INPP4B: variants seen among roughly 807,000 people sequenced by gnomAD.
INPP4B encodes inositol polyphosphate-4-phosphatase type II B.
INPP4B carries 55 observed loss-of-function variants against 122.5 expected under a neutral mutation model. The ratio of observed to expected loss-of-function variants is 0.45; its 90% CI spans 0.36 to 0.56. The LOEUF is 0.56. INPP4B is among the 20% of genes least tolerant of loss of function. The pLI is 0.00. For missense variants in INPP4B, 1,000 were observed against 1,097.7 expected (o/e 0.91, Z 1.26); for synonymous variants, 403 against 388.7 (o/e 1.04, Z -0.43).
chr4:142,039,075 T>TAAGA (rs1745718844), intron 25 of INPP4B, among the ~76,000 whole-genome samples: 1 of 152,170 alleles, frequency 6.6e-6, no homozygotes, highest in Admixed American at 6.6e-5. Context: ...CTGCCAGTTG[T>TAAGA]AAGATTAGAT....
rs369043861 is a variant in INPP4B, at chr4:142,602,423, A to G, written c.-191+123416T>C. Among the ~76,000 whole-genome samples the G allele has an allele frequency of 6.6e-5, 10 of 152,342 alleles. No homozygotes were observed. In the East Asian group the frequency reaches 7.7e-4, roughly 12 times the overall value. On this transcript the variant is annotated intron_variant, in intron 2 of 25. Transcript: ENST00000262992. ...CTTTCCAAAATAATTTATGGATTCA[A>G]TGCTATTCCCACGAAACTACCATTG...
Position 142,061,885 on chromosome 4 carries a change from CATATATATATATATATATAT to C in INPP4B, c.2642+20126_2642+20145del, listed in dbSNP as rs66485353. ...ATATGTACACACACACACACACACA[CATATATATATATATATATAT>C]ATATATATATATATATATATATATA... is the stretch of plus-strand genomic sequence containing the variant. On this transcript the variant is annotated intron_variant, in intron 25 of 25. Transcript: ENST00000262992. Among the ~76,000 whole-genome samples, 179 of 139,268 alleles carry C rather than the reference CATATATATATATATATATAT, an allele frequency of 1.3e-3. 1 individual carries two copies. The highest frequency in any genetic ancestry group is 5.0e-3 in the African/African-American group (167 of 33,110). The allele number at this position is 139,268 out of a possible 152,430, so 91.4% of individuals were successfully genotyped here.
chr4:142,827,276 T>TC (rs1204699540), intron 1 of INPP4B, among the ~76,000 whole-genome samples: 1 of 152,218 alleles, frequency 6.6e-6, no homozygotes, highest in Admixed American at 6.6e-5. Flanking sequence ...TCTGTGCACT[T>TC]CAAGTGCTCG....
intron 1 of INPP4B, among the ~76,000 whole-genome samples, chr4:142,841,134 G>A (rs1015616448): frequency 6.6e-6 from 1 of 151,920 alleles, no homozygotes; most frequent in Non-Finnish European, 1.5e-5. Flanking sequence ...TGGAATATGT[G>A]GTTATCTAGC....
chr4:142,120,387 T>G (rs1796068355), intron 21 of INPP4B, among the ~76,000 whole-genome samples: 1 of 152,082 alleles, frequency 6.6e-6, no homozygotes, highest in East Asian at 1.9e-4. Flanking sequence ...GAGATTTAGA[T>G]AGCGATTGCA....
intron 2 of INPP4B, among the ~76,000 whole-genome samples, chr4:142,514,838 C>T (rs139308494): frequency 1.3e-3 from 190 of 150,010 alleles, no homozygotes; most frequent in African/African-American, 4.5e-3. Flanking sequence ...CTCTGTCACC[C>T]AGGCTGGAAT....
chr4:142,528,861 C>T (rs1459104701), intron 2 of INPP4B, among the ~76,000 whole-genome samples: 1 of 151,996 alleles, frequency 6.6e-6, no homozygotes, highest in Non-Finnish European at 1.5e-5. Context: ...TTGAGTATTT[C>T]TTGAAAATGA....
At chr4:142,186,920 ACTCT>A (rs1294411377) in intron 15 of INPP4B, among the ~76,000 whole-genome samples, 2 of 152,112 alleles carry the variant, frequency 1.3e-5, no homozygotes, top group Admixed American at 6.5e-5. Flanking sequence ...AAAGCACTTT[ACTCT>A]CTCTCTATGA....
At chr4:142,741,650 G>C (rs746385148) in intron 1 of INPP4B, among the ~76,000 whole-genome samples, 2 of 151,902 alleles carry the variant, frequency 1.3e-5, no homozygotes, top group Non-Finnish European at 2.9e-5. Flanking sequence ...TAATCGCATA[G>C]ATGCATTGAA....
intron 2 of INPP4B, among the ~76,000 whole-genome samples, chr4:142,693,675 T>C (rs1386979074): frequency 3.3e-5 from 5 of 152,180 alleles, no homozygotes; most frequent in African/African-American, 1.2e-4. Flanking sequence ...TTTACTTACA[T>C]GATTTTTTTC....
rs192942596 is a variant in INPP4B, at chr4:142,306,542, G to A, written c.424-1005C>T. ...CTGGACAAAGAATTTGAGGGTAATG[G>A]CATCTTTTTCGAGGTAAATAGGAAA... On this transcript the variant is annotated intron_variant, in intron 8 of 25. Coordinates refer to ENST00000262992, the MANE Select transcript of INPP4B (RefSeq NM_001101669.3). 1.8e-3 allele frequency among the ~76,000 whole-genome samples: 273 copies of A among 152,254 alleles called. 1 individual carries two copies. Among genetic ancestry groups the A allele is most frequent in the Non-Finnish European group, 3.1e-3 (210 of 68,026 alleles).
At chr4:142,261,099 T>A (rs1739771805) in intron 10 of INPP4B, among the ~76,000 whole-genome samples, 1 of 152,222 alleles carries the variant, frequency 6.6e-6, no homozygotes. Flanking sequence ...CTGGAATCCA[T>A]AATGAATTGA....
intron 2 of INPP4B, among the ~76,000 whole-genome samples, chr4:142,547,675 C>A (rs1726935790): frequency 6.6e-6 from 1 of 152,270 alleles, no homozygotes; most frequent in Middle Eastern, 3.4e-3. Flanking sequence ...GAATGAGGCT[C>A]AAACACTGGC....
chr4:142,286,860 A>G (rs1370793838), intron 9 of INPP4B: 1 of 149,362 alleles, frequency 6.7e-6, no homozygotes, highest in Non-Finnish European at 1.5e-5. Flanking sequence ...TGCTTGATCA[A>G]TTAGTTTATT....
chr4:142,632,955 TG>T (rs1748305333), intron 2 of INPP4B, among the ~76,000 whole-genome samples: 1 of 151,718 alleles, frequency 6.6e-6, no homozygotes. Context: ...ATAAACAGGT[TG>T]GATCTTAAAA....
intron 7 of INPP4B, among the ~76,000 whole-genome samples, chr4:142,388,048 A>G (rs1207136943): frequency 6.6e-6 from 1 of 152,156 alleles, no homozygotes; most frequent in Non-Finnish European, 1.5e-5. Context: ...CCTTCCACAA[A>G]CAACTTCCAA....
chr4:142,281,523 C>T (rs996697235), intron 9 of INPP4B, among the ~76,000 whole-genome samples: 1 of 151,754 alleles, frequency 6.6e-6, no homozygotes, highest in Non-Finnish European at 1.5e-5. Flanking sequence ...ATTTAATATT[C>T]AAATTTGGAA....
At position 142,621,526 on chromosome 4, in the gene INPP4B, T is replaced by C. The variant is rs769358734; in HGVS notation, c.-191+104313A>G. ...CTGTATTTAATACTAATATAAGAGA[T>C]AAATTCAGACCATAGCAGAGTGGAA... is the stretch of plus-strand genomic sequence containing the variant. On this transcript the variant is annotated intron_variant, in intron 2 of 25. Transcript: ENST00000262992. Among the ~76,000 whole-genome samples, 3 of 151,902 alleles carry C rather than the reference T, an allele frequency of 2.0e-5. No homozygotes were observed. The East Asian group carries it at 5.8e-4, about 29-fold the overall frequency.
At chr4:142,103,823 A>G (rs180890639) in intron 23 of INPP4B, among the ~76,000 whole-genome samples, 2 of 152,184 alleles carry the variant, frequency 1.3e-5, no homozygotes, top group African/African-American at 4.8e-5. Context: ...ACACATACAC[A>G]CACACAGACA....
Sources: allele counts gnomAD v4.1 joint callset (sites outside exome capture counted in the v4.1 genomes callset), GRCh38; gene constraint gnomAD v4.1.1; transcripts MANE v1.5; gene names NCBI Gene and HGNC (gene_info 2026-07-23, HGNC 2026-07-21).